Variants in TENM4 observed in about 807,000 individuals in gnomAD.
TENM4 encodes teneurin-4.
TENM4 carries 82 observed loss-of-function variants against 243.3 expected under a neutral mutation model. That is an observed-to-expected ratio of 0.34 (90% CI 0.28 to 0.40). TENM4 has a LOEUF of 0.40. Among genes scored for constraint, TENM4 ranks in the 10% least tolerant of loss-of-function variants. The probability of loss-of-function intolerance (pLI) is 1.00; values close to 1 mark genes in which losing one functional copy is unlikely to be tolerated. For missense variants in TENM4, 3,138 were observed against 3,673.3 expected (o/e 0.85, Z 3.77); for synonymous variants, 1,412 against 1,456.3 (o/e 0.97, Z 0.69).
chr11:78,717,421 C>T (rs1010790676), intron 25 of TENM4, among the ~76,000 whole-genome samples: 12 of 152,160 alleles, frequency 7.9e-5, no homozygotes, highest in Non-Finnish European at 1.6e-4. Flanking sequence ...TTCTCAGAAC[C>T]AGTGGGAAGA....
chr11:79,161,667 T>C (rs1862748950), intron 3 of TENM4, among the ~76,000 whole-genome samples: 1 of 152,200 alleles, frequency 6.6e-6, no homozygotes, highest in East Asian at 1.9e-4. Context: ...CGCCAATACC[T>C]GGACTGCAGA....
chr11:79,199,525 T>C (rs1301098185), intron 3 of TENM4, among the ~76,000 whole-genome samples: 1 of 152,190 alleles, frequency 6.6e-6, no homozygotes, highest in Non-Finnish European at 1.5e-5. Context: ...ATAATCGTTA[T>C]GTGTGCTGAG....
intron 3 of TENM4, among the ~76,000 whole-genome samples, chr11:79,196,099 C>T (rs942575850): frequency 1.3e-5 from 2 of 152,116 alleles, no homozygotes; most frequent in African/African-American, 4.8e-5. Flanking sequence ...GTGCCTTTCG[C>T]CTCCCACCAT....
At chr11:78,905,334 G>A (rs940996971) in intron 6 of TENM4, among the ~76,000 whole-genome samples, 3 of 152,166 alleles carry the variant, frequency 2.0e-5, no homozygotes, top group Non-Finnish European at 2.9e-5. Context: ...GCATCACTCT[G>A]CTTTTTGAGT....
chr11:78,967,918 T>A (rs139368979), intron 6 of TENM4, among the ~76,000 whole-genome samples: 38 of 152,326 alleles, frequency 2.5e-4, no homozygotes, highest in Non-Finnish European at 4.7e-4. Context: ...GGAAACAAAG[T>A]GAGTGATACA....
At chr11:79,050,530 A>T (rs1490154992) in intron 6 of TENM4, among the ~76,000 whole-genome samples, 4 of 152,112 alleles carry the variant, frequency 2.6e-5, no homozygotes, top group Non-Finnish European at 4.4e-5. Flanking sequence ...CCCACTTCAC[A>T]CCCATGAGGG....
chr11:78,897,148 A>T (rs1331063743), intron 7 of TENM4, among the ~76,000 whole-genome samples: 1 of 152,098 alleles, frequency 6.6e-6, no homozygotes, highest in Non-Finnish European at 1.5e-5. Context: ...AAAACCCTGG[A>T]GCTCAGGCTT....
Position 78,940,473 on chromosome 11 carries a change from G to A in TENM4, c.494-36950C>T, listed in dbSNP as rs182957767. ...GGTCTGGTCTAGAAGAGCAGAGGAC[G>A]AATTCCTCTTTCCTGGGGATGGTTT... On this transcript the variant is annotated intron_variant, in intron 6 of 33. Coordinates refer to ENST00000278550, the MANE Select transcript of TENM4 (RefSeq NM_001098816.3). Among the ~76,000 whole-genome samples the A allele has an allele frequency of 5.1e-3, 780 of 152,312 alleles. 2 individuals are homozygous for A. Among genetic ancestry groups the A allele is most frequent in the South Asian group, 9.5e-3 (46 of 4,824 alleles).
At chr11:78,924,646 T>C (rs1322308261) in intron 6 of TENM4, 1 of 152,160 alleles carries the variant, frequency 6.6e-6, no homozygotes, top group Non-Finnish European at 1.5e-5. Flanking sequence ...TAGCAGGGGT[T>C]CACTCCGTGA....
In TENM4 at chr11:78,670,470, G is replaced by C. The variant is rs867406342; in HGVS notation, c.5875C>G (p.Pro1959Ala). ...TCTAGTGTCTGCCGCGCCACGTTGGGCATCGTCACAGAAGAGAGGCGGTCA... is the reference window on the plus strand; with the variant it reads ...TCTAGTGTCTGCCGCGCCACGTTGGCCATCGTCACAGAAGAGAGGCGGTCA... ...KNDRLSSVTM[P>A]NVARQTLETI... The change falls in exon 32 of 34, where the codon CCC (proline) becomes GCC (alanine). Residue 1959 changes from proline (P) to alanine (A), a missense_variant. Pro to Ala is a conservative substitution (Grantham distance 27). Around this residue, in one of 2 missense-constraint regions of TENM4, gnomAD observed 2,467 missense variants for 3,059.1 expected, o/e 0.81. Transcript: ENST00000278550. The C allele has an allele frequency of 6.2e-7, 1 of 1,613,982 alleles. No individual in the cohort carries two copies. Among genetic ancestry groups the C allele is most frequent in the Non-Finnish European group, 8.5e-7 (1 of 1,179,892 alleles).
chr11:79,267,850 C>T (rs1381114385), intron 2 of TENM4, among the ~76,000 whole-genome samples: 1 of 152,204 alleles, frequency 6.6e-6, no homozygotes, highest in East Asian at 1.9e-4. Context: ...AGATGTACCA[C>T]TTCATTACTG....
Position 78,676,277 on chromosome 11 carries a change from C to T in TENM4, c.5371G>A (p.Val1791Ile), listed in dbSNP as rs577360738. The T allele has an allele frequency of 1.5e-4, 241 of 1,612,670 alleles. 3 individuals are homozygous for T. In the Admixed American group the frequency reaches 3.1e-3, roughly 20 times the overall value. Reference protein sequence around the residue: ...QTEPHLLAGTVNPTVGKRNVT... With the variant: ...QTEPHLLAGTINPTVGKRNVT... ...TTCCTCTTGCCCACGGTGGGGTTGA[C>T]GGTGCCAGCCAGCAAGTGGGGCTCA... The change falls in exon 30 of 34, where the codon GTC becomes ATC. Residue 1791 changes from valine to isoleucine, a missense_variant. This residue lies in a region of TENM4 where 2,467 missense variants were observed against 3,059.1 expected (regional missense o/e 0.81). Coordinates refer to ENST00000278550, the MANE Select transcript of TENM4 (RefSeq NM_001098816.3).
At chr11:79,306,490 G>C (rs2135406255) in intron 1 of TENM4, among the ~76,000 whole-genome samples, 1 of 152,274 alleles carries the variant, frequency 6.6e-6, no homozygotes, top group South Asian at 2.1e-4. Flanking sequence ...CTAGACCACA[G>C]TAAGGAAAGG....
At chr11:79,078,719 T>C (rs187312125) in intron 4 of TENM4, among the ~76,000 whole-genome samples, 15 of 152,358 alleles carry the variant, frequency 9.8e-5, no homozygotes, top group Admixed American at 5.2e-4. Flanking sequence ...ACAGTGATTA[T>C]AATAATGGTG....
intron 1 of TENM4, among the ~76,000 whole-genome samples, chr11:79,372,785 C>T (rs911018494): frequency 6.6e-6 from 1 of 152,130 alleles, no homozygotes; most frequent in Non-Finnish European, 1.5e-5. Context: ...TCAGGTTCTA[C>T]ATTACTCTCC....
intron 6 of TENM4, among the ~76,000 whole-genome samples, chr11:79,011,965 C>T (rs1858654065): frequency 6.6e-6 from 1 of 152,166 alleles, no homozygotes; most frequent in African/African-American, 2.4e-5. Flanking sequence ...AGCCCCCAGC[C>T]TATTTCCCAC....
intron 1 of TENM4, among the ~76,000 whole-genome samples, chr11:79,329,977 G>A (rs1052091082): frequency 2.6e-5 from 4 of 152,224 alleles, no homozygotes; most frequent in African/African-American, 4.8e-5. Context: ...GAGAAGAGGG[G>A]AAAGTGGCAT....
At chr11:79,325,566 G>C (rs956294841) in intron 1 of TENM4, among the ~76,000 whole-genome samples, 9 of 152,166 alleles carry the variant, frequency 5.9e-5, no homozygotes, top group Non-Finnish European at 1.0e-4. Context: ...ATCCTCCCCT[G>C]TCAAATGCCT....
At chr11:78,778,775 A>G in intron 16 of TENM4, 147 bp from the exon 17 acceptor site, 3 of 685,110 alleles carry the variant, frequency 4.4e-6, no homozygotes. Context: ...AAATAAAACC[A>G]AAGACAGGAT....
Sources: gnomAD v4.1 joint callset for allele counts (sites outside exome capture counted in the v4.1 genomes callset) on GRCh38, gnomAD v4.1.1 for gene constraint, gnomAD v4.1.1 regional missense constraint, MANE v1.5 for transcripts, NCBI Gene and HGNC (gene_info 2026-07-23, HGNC 2026-07-21) for gene names.